The following NUP107 variants were observed in gnomAD, a reference collection of about 807,000 sequenced individuals.
The protein encoded by NUP107 is nucleoporin 107.
Under a neutral mutation model 141.0 loss-of-function variants are expected in NUP107, and 101 were observed. That is an observed-to-expected ratio of 0.72 (90% confidence interval 0.61 to 0.84). The LOEUF is 0.84. Among genes scored for constraint, NUP107 ranks in the 40% least tolerant of loss-of-function variants. NUP107 has a pLI of 0.00. For missense variants in NUP107, 941 were observed against 1,102.7 expected, an observed-to-expected ratio of 0.85 and a Z score of 2.08; for synonymous variants, 319 against 363.9, an observed-to-expected ratio of 0.88 and a Z score of 1.41.
At chr12:68,715,791 T>C (rs1250444395) in intron 12 of NUP107, 51 bp downstream of exon 12, 3 of 1,156,986 alleles carry the variant, frequency 2.6e-6, no homozygotes. Context: ...ATAGACTCTT[T>C]GAGTTGGAAG....
intron 27 of NUP107, 60 bp downstream of exon 27, chr12:68,742,040 T>C: frequency 1.5e-6 from 2 of 1,328,780 alleles, no homozygotes; most frequent in Non-Finnish European, 1.0e-6. Context: ...TGTAGTAATA[T>C]TAATTTTGTG....
Position 68,696,936 on chromosome 12 carries a change from A to C in NUP107, c.552+14A>C. 1 of 1,474,948 alleles carries C rather than the reference A, an allele frequency of 6.8e-7. No individual in the cohort carries two copies. 91.4% of individuals were successfully genotyped at this position (1,474,948 alleles called of 1,614,324 possible). A position where few individuals can be genotyped will look rare whatever the true frequency, so the allele number is the denominator to read the frequency against. ...TGTGGTAGTCAGGTAAGCTAATTTC[A>C]CTCCGTCGTTAGTCAAACTTCAGTA... is the stretch of plus-strand genomic sequence containing the variant. On this transcript the variant is annotated intron_variant, in intron 6 of 27. Transcript: ENST00000229179.
At chr12:68,699,799 G>A (rs1055164001) in intron 6 of NUP107, among the ~76,000 whole-genome samples, 11 of 152,156 alleles carry the variant, frequency 7.2e-5, no homozygotes, top group African/African-American at 9.7e-5. Flanking sequence ...ACCCTGGGTC[G>A]TTAAACCTCC....
intron 5 of NUP107, among the ~76,000 whole-genome samples, chr12:68,692,493 C>T (rs182847113): frequency 5.9e-5 from 9 of 151,666 alleles, no homozygotes; most frequent in African/African-American, 1.5e-4. Flanking sequence ...GCAGGAGAAT[C>T]GCTTGAACCC....
chr12:68,742,538 T>C lies in NUP107; in HGVS notation c.*76T>C, dbSNP rs1038336693. 81 of 725,820 alleles carry C rather than the reference T, an allele frequency of 1.1e-4. No homozygotes were observed. In the Admixed American group the frequency reaches 1.8e-3, roughly 16 times the overall value. The allele number at this position is 725,820 out of a possible 1,614,324, so 45.0% of individuals were successfully genotyped here. On this transcript the variant is annotated 3_prime_UTR_variant, in exon 28 of 28. Coordinates refer to ENST00000229179, the MANE Select transcript of NUP107 (RefSeq NM_020401.4). ...AAATATACTTGTTATTAGTAATTTT[T>C]TCTTTTGCATTACCATGTAAAATTT...
chr12:68,712,266 T>C (rs2546515), intron 10 of NUP107, among the ~76,000 whole-genome samples: 33,121 of 151,744 alleles, frequency 0.22, 4,230 homozygotes, highest in Middle Eastern at 0.3. Flanking sequence ...GTGGATCACC[T>C]GAGATCAGGA....
intron 8 of NUP107, chr12:68,706,427 G>A (rs1470871928): frequency 7.0e-6 from 6 of 852,148 alleles, no homozygotes; most frequent in Non-Finnish European, 1.0e-5. Flanking sequence ...TGAGGTCAAG[G>A]CACCGTACGA....
Position 68,733,540 on chromosome 12 carries a change from A to C in NUP107, c.2190A>C (p.Gln730His). ...IAEIYNQCEE[Q>H]GMESPLPAED... The stretch of plus-strand genomic sequence containing the variant: ...AAATCTATAATCAGTGCGAGGAACA[A>C]GGAATGGAAAGTCCACTTCCTGCTG... Residue 730 changes from glutamine (Q) to histidine (H), a missense_variant, in exon 24 of 28, where the codon CAA (glutamine) becomes CAC (histidine). Transcript: ENST00000229179. The C allele has an allele frequency of 6.2e-7, 1 of 1,613,882 alleles. No homozygotes were observed.
chr12:68,728,833 C>G (rs1162343204), intron 20 of NUP107, among the ~76,000 whole-genome samples: 1 of 151,432 alleles, frequency 6.6e-6, no homozygotes, highest in Non-Finnish European at 1.5e-5. Context: ...TATACTGTAC[C>G]TGTTAATACT....
At chr12:68,718,784 GA>G (rs1304371344) in intron 12 of NUP107, among the ~76,000 whole-genome samples, 1 of 151,746 alleles carries the variant, frequency 6.6e-6, no homozygotes, top group African/African-American at 2.4e-5. Flanking sequence ...ATTTAAAAAA[GA>G]AAGAAAAATA....
chr12:68,697,348 G>A (rs1035577113), intron 6 of NUP107, among the ~76,000 whole-genome samples: 5 of 151,966 alleles, frequency 3.3e-5, no homozygotes, highest in Admixed American at 6.6e-5. Context: ...TGCATGAGCC[G>A]CAGAGTTTGA....
At chr12:68,710,725 A>G (rs56398334) in intron 10 of NUP107, among the ~76,000 whole-genome samples, 8,015 of 151,872 alleles carry the variant, frequency 0.053, 691 homozygotes, top group African/African-American at 0.18. Flanking sequence ...AAAAAGTAAT[A>G]CAAATTTAAA....
rs780338152 is a variant in NUP107, at chr12:68,700,721, T to C, written c.553-5T>C. On this transcript the variant is annotated splice_region_variant and splice_polypyrimidine_tract_variant and intron_variant, in intron 6 of 27. Coordinates refer to ENST00000229179, the MANE Select transcript of NUP107 (RefSeq NM_020401.4). Reference sequence around the variant, plus strand: ...AACCTCTTTACATCTGTGTTTTTTATTCAGGTGAATATACTGAGTAAAATA... The same window carrying C: ...AACCTCTTTACATCTGTGTTTTTTACTCAGGTGAATATACTGAGTAAAATA... The C allele has an allele frequency of 3.8e-6, 6 of 1,572,640 alleles. No individual in the cohort carries two copies. The East Asian group carries it at 1.4e-4, about 36-fold the overall frequency.
intron 1 of NUP107, among the ~76,000 whole-genome samples, chr12:68,688,187 T>G (rs547856327): frequency 3.3e-3 from 201 of 60,780 alleles, no homozygotes; most frequent in Non-Finnish European, 5.7e-3. Flanking sequence ...TATCTGAAGG[T>G]TTTTTTTTTT....
intron 8 of NUP107, among the ~76,000 whole-genome samples, chr12:68,708,281 A>G (rs575448519): frequency 6.6e-6 from 1 of 152,172 alleles, no homozygotes; most frequent in South Asian, 2.1e-4. Context: ...TTACATCAAA[A>G]TGGCAAGGTA....
intron 6 of NUP107, among the ~76,000 whole-genome samples, chr12:68,698,986 T>A (rs954542865): frequency 6.6e-6 from 1 of 152,096 alleles, no homozygotes; most frequent in African/African-American, 2.4e-5. Context: ...AGATATACCA[T>A]TCTAGTGTTA....
Position 68,732,640 on chromosome 12 carries a change from G to A in NUP107, c.2002G>A (p.Asp668Asn). Residue 668 changes from aspartate (D) to asparagine (N), a missense_variant, in exon 23 of 28, where the codon GAT becomes AAT. Asp to Asn is a conservative substitution (Grantham distance 23). Transcript: ENST00000229179. The stretch of plus-strand genomic sequence containing the variant: ...TTTTTTCCCCTTTAATAAATAGGAG[G>A]ATCGTTTAAAAATTGATGTAATTGA... ...PALDTGTTEEDRLKIDVIDWL... is the reference protein window; with the variant it reads ...PALDTGTTEENRLKIDVIDWL... 6.3e-7 allele frequency: 1 copy of A among 1,581,198 alleles called. No individual in the cohort carries two copies. The highest frequency in any genetic ancestry group is 8.6e-7 in the Non-Finnish European group (1 of 1,158,636).
chr12:68,696,838 T>C lies in NUP107; in HGVS notation c.468T>C (p.Ser156=), dbSNP rs938353927. The C allele has an allele frequency of 6.2e-7, 1 of 1,601,540 alleles. No homozygotes were observed. Among genetic ancestry groups the C allele is most frequent in the Non-Finnish European group, 8.5e-7 (1 of 1,174,534 alleles). The change falls in exon 6 of 28, where the codon TCT becomes TCC. Residue 156 remains serine (S), a synonymous_variant. Transcript: ENST00000229179. ...PGEAASMSMF[S]DFLQSFLKHS... ...TTCTAGCATCCATGAGTATGTTTTCTGATTTCCTGCAGTCTTTTCTGAAGC... is the reference window on the plus strand; with the variant it reads ...TTCTAGCATCCATGAGTATGTTTTCCGATTTCCTGCAGTCTTTTCTGAAGC...
chr12:68,691,708 C>G (rs1473497418), intron 4 of NUP107, among the ~76,000 whole-genome samples: 3 of 152,022 alleles, frequency 2.0e-5, no homozygotes, highest in African/African-American at 7.2e-5. Flanking sequence ...GTGGCACGTG[C>G]CTGTAGTCCC....
Sources: allele counts gnomAD v4.1 joint callset (sites outside exome capture counted in the v4.1 genomes callset), GRCh38; gene constraint gnomAD v4.1.1; transcripts MANE v1.5; gene names NCBI Gene and HGNC (gene_info 2026-07-23, HGNC 2026-07-21).